The following UGT1A10 variants were observed in gnomAD, a reference collection of about 807,000 sequenced individuals.
UGT1A10 encodes UDP glucuronosyltransferase family 1 member A10.
UGT1A10 carries 49 observed loss-of-function variants against 45.8 expected under a neutral mutation model. The ratio of observed to expected loss-of-function variants is 1.07; its 90% CI spans 0.85 to 1.36. The LOEUF is 1.36. Among genes scored for constraint, UGT1A10 ranks in the 40% most tolerant of loss-of-function variants. The pLI, the probability that UGT1A10 is intolerant of heterozygous loss-of-function variation, is 0.00. For synonymous variants in UGT1A10, 284 were observed against 249.7 expected, an observed-to-expected ratio of 1.14 and a Z score of -1.29; for missense variants, 745 against 668.6, an observed-to-expected ratio of 1.11 and a Z score of -1.26.
rs539398300 is a variant in UGT1A10 at position 233,755,129 on chromosome 2, C to T, written c.856-11905C>T. The T allele has an allele frequency of 4.5e-6, 6 of 1,320,750 alleles. No individual in the cohort carries two copies. The South Asian group carries it at 5.7e-5, about 13-fold the overall frequency. 81.8% of individuals were successfully genotyped at this position (1,320,750 alleles called of 1,614,324 possible). ...ACACCTCGTAGGCCTCAGCCACCTG[C>T]TTGAATCTTCTCACCGCTTCCTCCC... On this transcript the variant is annotated intron_variant, in intron 1 of 4. Transcript: ENST00000344644.
chr2:233,646,650 C>T (rs1297032531), intron 1 of UGT1A10, among the ~76,000 whole-genome samples: 1 of 152,206 alleles, frequency 6.6e-6, no homozygotes, highest in Non-Finnish European at 1.5e-5. Context: ...AGTCACCTTT[C>T]CTCCAGTTCC....
At chr2:233,690,721 G>A in intron 1 of UGT1A10, 1 of 1,214,646 alleles carries the variant, frequency 8.2e-7, no homozygotes, top group Admixed American at 3.3e-5. Context: ...ATGACGAACA[G>A]ACATGCCAGA....
In UGT1A10 at chr2:233,672,788, T is replaced by C. The variant is rs753335727; in HGVS notation, c.855+35411T>C. 4 of 1,613,150 alleles carry C rather than the reference T, an allele frequency of 2.5e-6. No homozygotes were observed. In the South Asian group the frequency reaches 4.4e-5, roughly 18 times the overall value. ...TGCCATCAGGGAAAGCCGTTGCCTA[T>C]GGTAAGTTATCTCTCCTTTAGCACC... On this transcript the variant is annotated intron_variant, in intron 1 of 4. Transcript: ENST00000344644.
At chr2:233,745,085 C>G (rs1165304502) in intron 1 of UGT1A10, among the ~76,000 whole-genome samples, 3 of 151,730 alleles carry the variant, frequency 2.0e-5, no homozygotes, top group East Asian at 3.8e-4. Flanking sequence ...TTTCATTGCT[C>G]TTCCCCCCAA....
chr2:233,666,636 T>C (rs1337392025), intron 1 of UGT1A10, among the ~76,000 whole-genome samples: 1 of 152,142 alleles, frequency 6.6e-6, no homozygotes, highest in Non-Finnish European at 1.5e-5. Context: ...TTGTTTGTTT[T>C]TATTTTTTTA....
At chr2:233,686,635 G>A (rs945747256) in intron 1 of UGT1A10, among the ~76,000 whole-genome samples, 1 of 152,022 alleles carries the variant, frequency 6.6e-6, no homozygotes, top group Admixed American at 6.5e-5. Flanking sequence ...TCTTGATAAT[G>A]TGATATCAAA....
chr2:233,752,593 T>C (rs896301003), intron 1 of UGT1A10: 3 of 152,046 alleles, frequency 2.0e-5, no homozygotes, highest in African/African-American at 7.2e-5. Flanking sequence ...CTCTACAAGA[T>C]TTTTTTTAAA....
chr2:233,646,856 T>A (rs2073617657), intron 1 of UGT1A10, among the ~76,000 whole-genome samples: 1 of 152,210 alleles, frequency 6.6e-6, no homozygotes, highest in South Asian at 2.1e-4. Flanking sequence ...CCCTTCCACG[T>A]TTTCAGGTAT....
intron 1 of UGT1A10, chr2:233,744,083 G>T: frequency 2.3e-6 from 1 of 437,754 alleles, no homozygotes; most frequent in South Asian, 2.0e-5. Flanking sequence ...CGCATCCCAA[G>T]ATGCAGTGCT....
At chr2:233,663,023 C>T (rs1443231793) in intron 1 of UGT1A10, among the ~76,000 whole-genome samples, 1 of 152,102 alleles carries the variant, frequency 6.6e-6, no homozygotes, top group East Asian at 1.9e-4. Context: ...TTTAGGTGCA[C>T]AGTTCAGTAT....
chr2:233,732,853 A>T (rs1238557082), intron 1 of UGT1A10, among the ~76,000 whole-genome samples: 1 of 149,098 alleles, frequency 6.7e-6, no homozygotes, highest in Admixed American at 6.8e-5. Flanking sequence ...TTGTGAAGTC[A>T]TTGGTAGCTT....
chr2:233,744,977 C>T (rs528812849), intron 1 of UGT1A10, among the ~76,000 whole-genome samples: 2 of 151,856 alleles, frequency 1.3e-5, no homozygotes, highest in Non-Finnish European at 1.5e-5. Flanking sequence ...CTTTAAGCCT[C>T]TAGTCATCTC....
At chr2:233,647,534 C>T (rs1372639653) in intron 1 of UGT1A10, among the ~76,000 whole-genome samples, 1 of 152,142 alleles carries the variant, frequency 6.6e-6, no homozygotes, top group South Asian at 2.1e-4. Flanking sequence ...TTTGTGGGAA[C>T]ATTTGAAGTC....
At chr2:233,715,877 G>A (rs2076474455) in intron 1 of UGT1A10, among the ~76,000 whole-genome samples, 1 of 152,174 alleles carries the variant, frequency 6.6e-6, no homozygotes, top group Non-Finnish European at 1.5e-5. Context: ...TTGTGCCTGT[G>A]GCCCCAGCTA....
chr2:233,715,268 C>A (rs1400036159), intron 1 of UGT1A10, among the ~76,000 whole-genome samples: 1 of 152,186 alleles, frequency 6.6e-6, no homozygotes, highest in Non-Finnish European at 1.5e-5. Context: ...CCTTACATAA[C>A]AAATTCTCCT....
chr2:233,639,930 T>C (rs2018609), intron 1 of UGT1A10, among the ~76,000 whole-genome samples: 47,491 of 151,908 alleles, frequency 0.31, 8,028 homozygotes, highest in East Asian at 0.52. Context: ...GAAGTCACTC[T>C]TAGTCTCTTT....
intron 1 of UGT1A10, among the ~76,000 whole-genome samples, chr2:233,727,070 C>G (rs1272254879): frequency 6.6e-6 from 1 of 152,126 alleles, no homozygotes; most frequent in Non-Finnish European, 1.5e-5. Context: ...TTTCTGTGTT[C>G]TCTTACAAAC....
chr2:233,757,680 A>G (rs1575754544), intron 1 of UGT1A10, among the ~76,000 whole-genome samples: 1 of 151,598 alleles, frequency 6.6e-6, no homozygotes, highest in South Asian at 2.1e-4. Context: ...AAGGAATTCA[A>G]GGGATTCAAG....
intron 1 of UGT1A10, among the ~76,000 whole-genome samples, chr2:233,658,972 C>G (rs1331673713): frequency 6.6e-6 from 1 of 151,864 alleles, no homozygotes; most frequent in African/African-American, 2.4e-5. Flanking sequence ...TGCCAATTTG[C>G]ACAAAAAAAA....
Sources: allele counts gnomAD v4.1 joint callset (sites outside exome capture counted in the v4.1 genomes callset), GRCh38; gene constraint gnomAD v4.1.1; transcripts MANE v1.5; gene names NCBI Gene and HGNC (gene_info 2026-07-23, HGNC 2026-07-21).